Variants in SLCO5A1 observed in about 807,000 individuals in gnomAD.
The protein encoded by SLCO5A1 is organic anion transporter polypeptide-related protein 4.
Under a neutral mutation model 65.1 loss-of-function variants are expected in SLCO5A1, and 39 were observed. The observed-to-expected ratio is 0.60, with a 90% CI of 0.46 to 0.78. The LOEUF is 0.78. Among genes scored for constraint, SLCO5A1 ranks in the 30% least tolerant of loss-of-function variants. The probability of loss-of-function intolerance (pLI) is 0.00; values close to 1 mark genes in which losing one functional copy is unlikely to be tolerated. For missense variants in SLCO5A1, 1,029 were observed against 1,069.4 expected, an observed-to-expected ratio of 0.96 and a Z score of 0.53; for synonymous variants, 438 against 415.7, an observed-to-expected ratio of 1.05 and a Z score of -0.65.
intron 2 of SLCO5A1, among the ~76,000 whole-genome samples, chr8:69,812,090 C>T (rs1467540262): frequency 5.9e-5 from 9 of 152,162 alleles, no homozygotes; most frequent in Non-Finnish European, 1.3e-4. Context: ...CCAGAGTTGT[C>T]GAGTAACTTG....
At chr8:69,792,857 C>T (rs778875214) in intron 2 of SLCO5A1, among the ~76,000 whole-genome samples, 5 of 151,694 alleles carry the variant, frequency 3.3e-5, no homozygotes, top group African/African-American at 4.9e-5. Flanking sequence ...AATCATAGGA[C>T]TTAATGTAGT....
chr8:69,822,511 T>G (rs184198886), intron 2 of SLCO5A1, among the ~76,000 whole-genome samples: 1 of 152,348 alleles, frequency 6.6e-6, no homozygotes, highest in East Asian at 1.9e-4. Flanking sequence ...ATACAATGTT[T>G]TAATTTCCCA....
chr8:69,747,622 A>G (rs1336233272), intron 4 of SLCO5A1, among the ~76,000 whole-genome samples: 1 of 152,178 alleles, frequency 6.6e-6, no homozygotes, highest in Non-Finnish European at 1.5e-5. Context: ...TTTATATCAG[A>G]GACTTGAGCA....
chr8:69,763,082 G>A (rs1170982993), intron 2 of SLCO5A1, among the ~76,000 whole-genome samples: 1 of 152,196 alleles, frequency 6.6e-6, no homozygotes, highest in South Asian at 2.1e-4. Context: ...GGCCAAGGCT[G>A]GTGGATCACC....
intron 2 of SLCO5A1, among the ~76,000 whole-genome samples, chr8:69,797,229 C>T (rs1012409602): frequency 3.9e-5 from 6 of 152,190 alleles, no homozygotes; most frequent in Non-Finnish European, 5.9e-5. Context: ...TTCATGGACA[C>T]TTATCACTTC....
intron 6 of SLCO5A1, among the ~76,000 whole-genome samples, chr8:69,682,746 G>A (rs1041981245): frequency 2.0e-5 from 3 of 152,126 alleles, no homozygotes; most frequent in African/African-American, 7.2e-5. Flanking sequence ...ATACTTTTTA[G>A]TATTGAATCA....
intron 2 of SLCO5A1, among the ~76,000 whole-genome samples, chr8:69,825,445 A>C (rs1451258022): frequency 2.0e-5 from 3 of 152,238 alleles, no homozygotes; most frequent in African/African-American, 7.2e-5. Context: ...AGGATACAAA[A>C]TCAATGTACA....
chr8:69,830,247 T>G (rs562420832), intron 2 of SLCO5A1, among the ~76,000 whole-genome samples: 3 of 152,352 alleles, frequency 2.0e-5, no homozygotes, highest in East Asian at 3.8e-4. Context: ...ATAGCCCTCT[T>G]ATATTGGATA....
intron 5 of SLCO5A1, among the ~76,000 whole-genome samples, chr8:69,719,232 A>G (rs1157582680): frequency 6.6e-6 from 1 of 152,246 alleles, no homozygotes; most frequent in African/African-American, 2.4e-5. Context: ...CTTAACCAGT[A>G]TGCTAAATAC....
chr8:69,790,860 G>T (rs921944978), intron 2 of SLCO5A1, among the ~76,000 whole-genome samples: 3 of 152,176 alleles, frequency 2.0e-5, no homozygotes, highest in Admixed American at 6.6e-5. Flanking sequence ...CACAACTGCT[G>T]CCCAGGAAGA....
Position 69,673,018 on chromosome 8 carries a change from T to G in SLCO5A1, c.2398A>C (p.Thr800Pro). Residue 800 changes from threonine to proline, a missense_variant, in exon 10 of 10, where the codon ACC becomes CCC. By Grantham distance (38) the Thr-to-Pro change is conservative. Transcript: ENST00000260126. ...GTCTCTTCGTGGAATTCTCCCTGGG[T>G]GCTGAAAGCTGGGCAAGATCTAGTC... ...ARTRSCPAFS[T>P]QGEFHEETGL... 2 of 1,614,176 alleles carry G rather than the reference T, an allele frequency of 1.2e-6. No homozygotes were observed. Among genetic ancestry groups the G allele is most frequent in the Non-Finnish European group, 1.7e-6 (2 of 1,180,016 alleles).
intron 2 of SLCO5A1, among the ~76,000 whole-genome samples, chr8:69,814,821 A>G (rs1007022554): frequency 7.9e-5 from 12 of 152,200 alleles, no homozygotes; most frequent in Non-Finnish European, 5.9e-5. Context: ...TCCACCTTAA[A>G]AAAAAGAAGG....
intron 2 of SLCO5A1, 78 bp from the exon 3 acceptor site, chr8:69,761,953 A>T (rs1311875609): frequency 5.9e-6 from 9 of 1,532,668 alleles, no homozygotes; most frequent in Middle Eastern, 1.7e-4. Context: ...TCACTCTCAT[A>T]CCACAGACAT....
intron 3 of SLCO5A1, chr8:69,761,369 G>C (rs375582818): frequency 5.3e-6 from 1 of 190,316 alleles, no homozygotes; most frequent in African/African-American, 2.4e-5. Flanking sequence ...TTTGCTCGCA[G>C]CCCCTTCCTC....
chr8:69,681,341 C>T (rs891443945), intron 7 of SLCO5A1, among the ~76,000 whole-genome samples: 5 of 152,172 alleles, frequency 3.3e-5, no homozygotes, highest in African/African-American at 1.2e-4. Flanking sequence ...CACCTGTAAT[C>T]CCAGCACTTT....
chr8:69,834,770 A>T (rs889267836), intron 1 of SLCO5A1, 84 bp downstream of exon 1: 6 of 131,288 alleles, frequency 4.6e-5, no homozygotes, highest in Non-Finnish European at 9.8e-5. Context: ...ACACACACAC[A>T]CACACACACA....
intron 4 of SLCO5A1, among the ~76,000 whole-genome samples, chr8:69,745,076 C>T (rs1816962342): frequency 1.3e-5 from 2 of 152,100 alleles, no homozygotes; most frequent in South Asian, 4.1e-4. Context: ...GAGTGATTGC[C>T]TCTTTAAGCA....
chr8:69,815,253 G>A (rs1820357136), intron 2 of SLCO5A1, among the ~76,000 whole-genome samples: 1 of 152,084 alleles, frequency 6.6e-6, no homozygotes, highest in East Asian at 1.9e-4. Flanking sequence ...ACATCACTTT[G>A]TACCCATAAA....
chr8:69,779,697 T>A (rs963016005), intron 2 of SLCO5A1, among the ~76,000 whole-genome samples: 1 of 152,148 alleles, frequency 6.6e-6, no homozygotes, highest in Non-Finnish European at 1.5e-5. Context: ...TAGTAAGTGG[T>A]AGAACCCAAA....
Sources: allele counts gnomAD v4.1 joint callset (sites outside exome capture counted in the v4.1 genomes callset), GRCh38; gene constraint gnomAD v4.1.1; transcripts MANE v1.5; gene names NCBI Gene and HGNC (gene_info 2026-07-23, HGNC 2026-07-21).